The following TREH variants were observed in gnomAD, a reference collection of about 807,000 sequenced individuals.
TREH encodes the protein trehalase, also known as alpha,alpha-trehalose glucohydrolase.
In TREH, 69 loss-of-function variants were observed where a neutral mutation model predicts 80.5. That is an observed-to-expected ratio of 0.86 (90% CI 0.71 to 1.05). TREH has a LOEUF of 1.05. Ranked by LOEUF, TREH falls within the 50% of genes least tolerant of loss-of-function variation. TREH has a pLI of 0.00. For missense variants in TREH, 716 were observed against 718.8 expected (o/e 1.00, Z 0.04); for synonymous variants, 309 against 293.5 (o/e 1.05, Z -0.54).
In TREH at chr11:118,661,452, T is replaced by G. The variant is rs1565525652; in HGVS notation, c.675A>C (p.Pro225=). The G allele has an allele frequency of 6.2e-7, 1 of 1,613,468 alleles. No homozygotes were observed. Residue 225 remains proline, a synonymous_variant, in exon 7 of 15, where the codon CCA becomes CCC. Transcript: ENST00000264029. The surrounding 1 kb of genome is among the most constrained non-coding windows in gnomAD (Gnocchi z 4.2). Reference sequence around the variant, plus strand: ...AGCAATCCATCATGAGGGTCAAGAGTGGGGGCTGGCTCCGCTGCAGGTAGT... The same window carrying G: ...AGCAATCCATCATGAGGGTCAAGAGGGGGGGCTGGCTCCGCTGCAGGTAGT... The part of the protein sequence containing the change: ...RVYYLQRSQP[P]LLTLMMDCYL...
At chr11:118,675,501 C>T (rs900384822) in intron 1 of TREH, among the ~76,000 whole-genome samples, 6 of 152,124 alleles carry the variant, frequency 3.9e-5, no homozygotes, top group Non-Finnish European at 5.9e-5. Flanking sequence ...ACTCACAGGA[C>T]TCAGAAAAGC....
At chr11:118,668,165 T>G (rs1949395799) in intron 1 of TREH, among the ~76,000 whole-genome samples, 1 of 152,040 alleles carries the variant, frequency 6.6e-6, no homozygotes, top group South Asian at 2.1e-4. Context: ...GCACCCAGCC[T>G]ACAAATTTAC....
chr11:118,663,010 A>C, intron 3 of TREH, 42 bp from the exon 4 acceptor site: 1 of 1,610,716 alleles, frequency 6.2e-7, no homozygotes, highest in East Asian at 2.2e-5. Flanking sequence ...GAGGCAGCTC[A>C]GTTGGAAGGA....
Position 118,659,828 on chromosome 11 carries a change from A to G in TREH, c.1239T>C (p.Phe413=). Residue 413 remains phenylalanine (F), a synonymous_variant, in exon 11 of 15, where the codon TTT becomes TTC. Transcript: ENST00000264029. ...AGAGTGGAGTGAGGTTGGATGGGTAAAACTCCCGGTTTTTCTTCTTCTTCT... is the reference window on the plus strand; with the variant it reads ...AGAGTGGAGTGAGGTTGGATGGGTAGAACTCCCGGTTTTTCTTCTTCTTCT... ...DLEKKKKNRE[F]YPSNLTPLWA... 15 of 1,570,640 alleles carry G rather than the reference A, an allele frequency of 9.6e-6. No homozygotes were observed. Among genetic ancestry groups the G allele is most frequent in the Non-Finnish European group, 1.3e-5 (15 of 1,157,202 alleles).
At chr11:118,666,058 A>G (rs1949374786) in intron 1 of TREH, among the ~76,000 whole-genome samples, 1 of 152,150 alleles carries the variant, frequency 6.6e-6, no homozygotes, top group Non-Finnish European at 1.5e-5. Flanking sequence ...CAACATGGCA[A>G]CACCCCCGTC....
At chr11:118,675,796 C>CA in intron 1 of TREH, among the ~76,000 whole-genome samples, 1 of 80,200 alleles carries the variant, frequency 1.2e-5, no homozygotes, top group South Asian at 6.1e-4. Flanking sequence ...CTCCACCTCC[C>CA]AGGTCAATGA....
At chr11:118,669,818 ATAATT>A (rs1949414325) in intron 1 of TREH, among the ~76,000 whole-genome samples, 1 of 152,202 alleles carries the variant, frequency 6.6e-6, no homozygotes, top group South Asian at 2.1e-4. Context: ...GTAGTCAAAA[ATAATT>A]TAATTGTACA....
chr11:118,676,264 A>T (rs1406809813), intron 1 of TREH, among the ~76,000 whole-genome samples: 1 of 152,200 alleles, frequency 6.6e-6, no homozygotes, highest in Non-Finnish European at 1.5e-5. Flanking sequence ...CACCTCATTA[A>T]CAAAAGCTAC....
At chr11:118,667,747 G>T (rs1340033052) in intron 1 of TREH, among the ~76,000 whole-genome samples, 1 of 152,152 alleles carries the variant, frequency 6.6e-6, no homozygotes, top group Non-Finnish European at 1.5e-5. Flanking sequence ...CAGCATACAT[G>T]GTGGAATAAA....
chr11:118,660,696 C>T lies in TREH; in HGVS notation c.945G>A (p.Gly315=). 6.3e-7 allele frequency: 1 copy of T among 1,599,614 alleles called. No homozygotes were observed. The highest frequency in any genetic ancestry group is 1.3e-5 in the African/African-American group (1 of 74,754). Reference sequence around the variant, plus strand: ...AAGAGAAGTCCCAGCCAGACTCAGCCCCAGCCTTGAGCTCAGCCCACAGAG... The same window carrying T: ...AAGAGAAGTCCCAGCCAGACTCAGCTCCAGCCTTGAGCTCAGCCCACAGAG... ...REALWAELKA[G]AESGWDFSSR... The change falls in exon 10 of 15, where the codon GGG becomes GGA. Residue 315 remains glycine, a synonymous_variant. Coordinates refer to ENST00000264029, the MANE Select transcript of TREH (RefSeq NM_007180.3).
chr11:118,668,876 G>C (rs1205141337), intron 1 of TREH, among the ~76,000 whole-genome samples: 5 of 151,836 alleles, frequency 3.3e-5, no homozygotes, highest in Non-Finnish European at 5.9e-5. Context: ...GGAGGCAGAG[G>C]TTGCGCCACT....
chr11:118,662,131 G>A lies in TREH; in HGVS notation c.424-141C>T, dbSNP rs1434042681. The A allele has an allele frequency of 4.5e-6, 3 of 665,926 alleles. No individual in the cohort carries two copies. In the East Asian group the frequency reaches 8.2e-5, roughly 18 times the overall value. 41.3% of individuals were successfully genotyped at this position (665,926 alleles called of 1,614,324 possible). A position where few individuals can be genotyped will look rare whatever the true frequency, so the allele number is the denominator to read the frequency against. The stretch of plus-strand genomic sequence containing the variant: ...TCAGCGCTGGCTCCACTGCTACTCA[G>A]CCATGTAATCAAGGCCTGGCCGCTG... On this transcript the variant is annotated intron_variant, in intron 4 of 14. Transcript: ENST00000264029.
intron 1 of TREH, among the ~76,000 whole-genome samples, chr11:118,663,939 C>T (rs969168647): frequency 2.0e-5 from 3 of 152,072 alleles, no homozygotes; most frequent in African/African-American, 7.2e-5. Context: ...GCCTCCATGA[C>T]GGCAGGACAC....
At chr11:118,673,576 C>T (rs1262739303) in intron 1 of TREH, among the ~76,000 whole-genome samples, 1 of 152,210 alleles carries the variant, frequency 6.6e-6, no homozygotes, top group African/African-American at 2.4e-5. Flanking sequence ...CACACGTGGC[C>T]ACCTCAGGTG....
intron 1 of TREH, among the ~76,000 whole-genome samples, chr11:118,675,540 A>C (rs895965490): frequency 6.6e-6 from 1 of 152,160 alleles, no homozygotes; most frequent in Non-Finnish European, 1.5e-5. Flanking sequence ...CTATAGTTTT[A>C]TTATAAGAAT....
intron 1 of TREH, among the ~76,000 whole-genome samples, chr11:118,666,095 G>T (rs891278435): frequency 1.3e-5 from 2 of 152,122 alleles, no homozygotes; most frequent in African/African-American, 4.8e-5. Context: ...AAATTAGCTG[G>T]GCATGATGGT....
Position 118,658,673 on chromosome 11 carries a change from T to C in TREH, c.1599+7A>G, listed in dbSNP as rs782443423. 1.4e-5 allele frequency: 22 copies of C among 1,586,996 alleles called. No individual in the cohort carries two copies. The highest frequency in any genetic ancestry group is 1.8e-5 in the Non-Finnish European group (21 of 1,166,476). ...GGTGTTGGCCAGCCCACCCCTGGCC[T>C]GCTCACCTGAACTTCATATTCTCCT... On this transcript the variant is annotated splice_region_variant and intron_variant, in intron 14 of 14. Transcript: ENST00000264029.
chr11:118,658,088 C>G lies in TREH; in HGVS notation c.*201G>C. On this transcript the variant is annotated 3_prime_UTR_variant, in exon 15 of 15. Transcript: ENST00000264029. ...GGCACTTGGGGATAGGTCTTCCCTC[C>G]AGAGCAGGATTTCCACCCTATTCAA... 1.4e-6 allele frequency: 1 copy of G among 706,584 alleles called. No homozygotes were observed. Among genetic ancestry groups the G allele is most frequent in the Non-Finnish European group, 2.3e-6 (1 of 436,910 alleles). The allele number at this position is 706,584 out of a possible 1,614,324, so 43.8% of individuals were successfully genotyped here.
At position 118,661,861 on chromosome 11, in the gene TREH, C is replaced by G; in HGVS notation, c.524+29G>C. 1.3e-6 allele frequency: 2 copies of G among 1,567,948 alleles called. No individual in the cohort carries two copies. Among genetic ancestry groups the G allele is most frequent in the South Asian group, 2.3e-5 (2 of 86,318 alleles). On this transcript the variant is annotated intron_variant, in intron 5 of 14. Transcript: ENST00000264029. The surrounding 1 kb of genome is among the most constrained non-coding windows in gnomAD (Gnocchi z 4.2). Reference sequence around the variant, plus strand: ...CTCCACCACTGCCAGTCCTGCAGGCCCCTTGGTCTCTTGGGCCTGGGCGCT... The same window carrying G: ...CTCCACCACTGCCAGTCCTGCAGGCGCCTTGGTCTCTTGGGCCTGGGCGCT...
Sources: gnomAD v4.1 joint callset for allele counts (sites outside exome capture counted in the v4.1 genomes callset) on GRCh38, gnomAD v4.1.1 for gene constraint, Gnocchi (gnomAD v3.1) non-coding constraint, MANE v1.5 for transcripts, NCBI Gene and HGNC (gene_info 2026-07-23, HGNC 2026-07-21) for gene names.